Variants in HLA-F observed in about 807,000 individuals in gnomAD.
The protein encoded by HLA-F is HLA class I histocompatibility antigen, alpha chain F.
In HLA-F, 46 loss-of-function variants were observed where a neutral mutation model predicts 49.5. The observed-to-expected ratio is 0.93, with a 90% confidence interval of 0.73 to 1.19. HLA-F has a LOEUF of 1.19. Among genes scored for constraint, HLA-F ranks in the 50% most tolerant of loss-of-function variants. The probability of loss-of-function intolerance (pLI) is 0.00; values close to 1 mark genes in which losing one functional copy is unlikely to be tolerated. For missense variants in HLA-F, 496 were observed against 579.6 expected, an observed-to-expected ratio of 0.86 and a Z score of 1.48; for synonymous variants, 203 against 233.5, an observed-to-expected ratio of 0.87 and a Z score of 1.19.
At chr6:29,730,283 T>C (rs561985675), downstream of HLA-F, among the ~76,000 whole-genome samples, 45 of 152,294 alleles carry the variant, frequency 3.0e-4, no homozygotes, top group African/African-American at 1.1e-3. Flanking sequence ...ATAAGTGAAA[T>C]GAGCCAGAAA....
chr6:29,725,929 G>A, intron 5 of HLA-F, 82 bp from the exon 6 acceptor site: 3 of 1,456,426 alleles, frequency 2.1e-6, no homozygotes, highest in South Asian at 2.3e-5. Context: ...AACTTCTCTG[G>A]GATCAAAGAC....
At chr6:29,726,650 C>T (rs1059174) in intron 6 of HLA-F, 1,253,028 of 1,507,714 alleles carry the variant, frequency 0.83, 522,725 homozygotes, top group East Asian at 0.99. Context: ...ATATTTGGAA[C>T]TAGCCAGCTT....
exon 4 of HLA-F, chr6:29,738,141 T>A (rs1338851625): frequency 6.6e-6 from 1 of 152,286 alleles, no homozygotes; most frequent in African/African-American, 2.4e-5. Context: ...CTCATACTGG[T>A]GTCCAGTGAA....
At chr6:29,723,609 C>CTG (rs1562284692) in intron 1 of HLA-F, 49 bp from the exon 2 acceptor site, 1 of 1,599,640 alleles carries the variant, frequency 6.3e-7, no homozygotes, top group Admixed American at 1.7e-5. Flanking sequence ...ACTCAGGGAG[C>CTG]CGCCTCCGGA....
At chr6:29,726,390 A>G in intron 6 of HLA-F, 1 of 1,611,638 alleles carries the variant, frequency 6.2e-7, no homozygotes, top group Non-Finnish European at 8.5e-7. Context: ...GTTCATGAAT[A>G]TTTTCTCTAT....
downstream of HLA-F, chr6:29,728,140 C>T (rs1011837253): frequency 3.3e-5 from 17 of 510,952 alleles, no homozygotes; most frequent in African/African-American, 2.5e-4. Flanking sequence ...GTGCACAAGT[C>T]AGCCCAATCA....
At position 29,727,180 on chromosome 6, in the gene HLA-F, T is replaced by C; in HGVS notation, c.*5T>C. On this transcript the variant is annotated 3_prime_UTR_variant, in exon 7 of 7. Transcript: ENST00000259951. Reference sequence around the variant, plus strand: ...CAGATTAAGATTTTTGACTGAGTCATTCTAAAGTAAGTTGCAAGACCCATG... The same window carrying C: ...CAGATTAAGATTTTTGACTGAGTCACTCTAAAGTAAGTTGCAAGACCCATG... 1 of 1,566,890 alleles carries C rather than the reference T, an allele frequency of 6.4e-7. No homozygotes were observed. The highest frequency in any genetic ancestry group is 8.6e-7 in the Non-Finnish European group (1 of 1,161,554).
intron 3 of HLA-F, chr6:29,735,365 G>GTGTA (rs1776987168): frequency 1.5e-5 from 1 of 67,658 alleles, no homozygotes; most frequent in Non-Finnish European, 3.0e-5. Flanking sequence ...ATATATGTGT[G>GTGTA]TATATATATA....
chr6:29,734,604 A>G (rs1212640836), intron 3 of HLA-F, among the ~76,000 whole-genome samples: 1 of 152,218 alleles, frequency 6.6e-6, no homozygotes, highest in Non-Finnish European at 1.5e-5. Context: ...TCAGGAGTTT[A>G]CCATATAAAA....
At position 29,725,138 on chromosome 6, in the gene HLA-F, C is replaced by G. The variant is rs772651190; in HGVS notation, c.718C>G (p.Arg240Gly). The G allele has an allele frequency of 1.1e-5, 18 of 1,614,040 alleles. No homozygotes were observed. Among genetic ancestry groups the G allele is most frequent in the Non-Finnish European group, 1.4e-5 (17 of 1,180,012 alleles). ...YPAEITLTWQ[R>G]DGEEQTQDTE... ...TGCGGAGATCACGCTGACCTGGCAG[C>G]GGGATGGGGAGGAACAGACCCAGGA... The change falls in exon 4 of 7, where the codon CGG becomes GGG. Residue 240 changes from arginine to glycine, a missense_variant. By Grantham distance (125) the Arg-to-Gly change is moderately radical. Coordinates refer to ENST00000259951, the MANE Select transcript of HLA-F (RefSeq NM_001098479.2).
intron 3 of HLA-F, among the ~76,000 whole-genome samples, chr6:29,732,723 T>C (rs2523398): frequency 0.56 from 84,998 of 151,838 alleles, 24,002 homozygotes; most frequent in East Asian, 0.72. Flanking sequence ...GCTGGGATTA[T>C]AGGCGTGAGC....
Position 29,723,680 on chromosome 6 carries a change from C to G in HLA-F, c.87C>G (p.Phe29Leu), listed in dbSNP as rs765314116. 1.9e-6 allele frequency: 3 copies of G among 1,610,630 alleles called. No individual in the cohort carries two copies. The highest frequency in any genetic ancestry group is 2.5e-6 in the Non-Finnish European group (3 of 1,179,156). ...CAGGCTCCCACTCCTTGAGGTATTT[C>G]AGCACCGCTGTGTCGCGGCCCGGCC... ...TWAGSHSLRY[F>L]STAVSRPGRG... Residue 29 changes from phenylalanine (F) to leucine (L), a missense_variant, in exon 2 of 7, where the codon TTC (phenylalanine) becomes TTG (leucine). Physicochemically the swap from Phe to Leu is conservative, Grantham distance 22 (BLOSUM62 0). Coordinates refer to ENST00000259951, the MANE Select transcript of HLA-F (RefSeq NM_001098479.2).
At chr6:29,726,538 GT>G in intron 6 of HLA-F, 1 of 1,518,366 alleles carries the variant, frequency 6.6e-7, no homozygotes. Context: ...AGGTAGATAT[GT>G]TTTTATAGCA....
intron 3 of HLA-F, chr6:29,736,685 TAA>T: frequency 3.6e-6 from 1 of 277,930 alleles, no homozygotes. Context: ...TCTTGATTTC[TAA>T]TATGATAGAT....
At chr6:29,729,903 T>C (rs1356652361), downstream of HLA-F, among the ~76,000 whole-genome samples, 1 of 152,246 alleles carries the variant, frequency 6.6e-6, no homozygotes, top group Admixed American at 6.5e-5. Context: ...TATGCTGAAC[T>C]TCACTAGTCC....
chr6:29,723,852 T>C lies in HLA-F; in HGVS notation c.259T>C (p.Tyr87His), dbSNP rs1467575916. ...GCAGTATTGGGAGTGGACCACAGGG[T>C]ACGCCAAGGCCAACGCACAGACTGA... The part of the protein sequence containing the change: ...GPQYWEWTTG[Y>H]AKANAQTDRV... The change falls in exon 2 of 7, where the codon TAC becomes CAC. Residue 87 changes from tyrosine to histidine, a missense_variant. By Grantham distance (83) the Tyr-to-His change is moderately conservative (BLOSUM62 2). Coordinates refer to ENST00000259951, the MANE Select transcript of HLA-F (RefSeq NM_001098479.2). 1.3e-6 allele frequency: 2 copies of C among 1,598,550 alleles called. No individual in the cohort carries two copies. Among genetic ancestry groups the C allele is most frequent in the Middle Eastern group, 1.7e-4 (1 of 6,046 alleles).
chr6:29,724,903 C>A, intron 3 of HLA-F, 128 bp from the exon 4 acceptor site: 1 of 1,046,840 alleles, frequency 9.6e-7, no homozygotes, highest in Non-Finnish European at 1.4e-6. Context: ...TGTGTCCAGG[C>A]TGGTGTCTGG....
intron 3 of HLA-F, among the ~76,000 whole-genome samples, chr6:29,734,517 A>G (rs955716825): frequency 6.6e-6 from 1 of 152,194 alleles, no homozygotes; most frequent in Non-Finnish European, 1.5e-5. Context: ...TTCTACTTAC[A>G]GAAGAACAAG....
At chr6:29,735,306 T>C (rs1350082929) in intron 3 of HLA-F, 2 of 147,076 alleles carry the variant, frequency 1.4e-5, no homozygotes, top group Non-Finnish European at 3.0e-5. Flanking sequence ...TATATATAGT[T>C]ATATATATGT....
Sources: gnomAD v4.1 joint callset for allele counts (sites outside exome capture counted in the v4.1 genomes callset) on GRCh38, gnomAD v4.1.1 for gene constraint, MANE v1.5 for transcripts, NCBI Gene and HGNC (gene_info 2026-07-23, HGNC 2026-07-21) for gene names.